UBE2V1: variants seen among roughly 807,000 people sequenced by gnomAD.
The protein encoded by UBE2V1 is ubiquitin-conjugating enzyme E2 variant 1.
A neutral mutation model predicts 19.6 loss-of-function variants in UBE2V1; 15 were observed. The ratio of observed to expected loss-of-function variants is 0.77; its 90% confidence interval spans 0.51 to 1.18. The LOEUF (loss-of-function observed/expected upper bound fraction) is 1.18, where lower values mean the gene tolerates loss of function less well. UBE2V1 is among the 50% of genes most tolerant of loss of function. The pLI is 0.00. For synonymous variants in UBE2V1, 60 were observed against 60.7 expected (o/e 0.99, Z 0.05); for missense variants, 125 against 184.8 (o/e 0.68, Z 1.88).
intron 2 of UBE2V1, among the ~76,000 whole-genome samples, chr20:50,093,807 T>C (rs1601023201): frequency 6.6e-6 from 1 of 151,398 alleles, no homozygotes; most frequent in African/African-American, 2.4e-5. Context: ...CTGGCTAAGA[T>C]GGTGAAACCC....
At chr20:50,105,092 C>G (rs1162349219) in intron 1 of UBE2V1, among the ~76,000 whole-genome samples, 1 of 152,120 alleles carries the variant, frequency 6.6e-6, no homozygotes, top group Non-Finnish European at 1.5e-5. Context: ...TAAGGGAAAA[C>G]TGGTTTCTCA....
At chr20:50,084,973 C>G (rs1274470914) in intron 2 of UBE2V1, among the ~76,000 whole-genome samples, 2 of 150,084 alleles carry the variant, frequency 1.3e-5, no homozygotes, top group Non-Finnish European at 3.0e-5. Flanking sequence ...CTCGGCTCAC[C>G]GCAACCTCCG....
In UBE2V1 at chr20:50,081,972, C is replaced by G. The variant is rs1204375556; in HGVS notation, c.*796G>C. ...AAGGGAGGTCAGAGGCTCTTTCCAA[C>G]CTTACCTGATGGCTTCTGGCCAAAG... On this transcript the variant is annotated 3_prime_UTR_variant, in exon 4 of 4. Transcript: ENST00000371674. 1.8e-5 allele frequency: 4 copies of G among 218,890 alleles called. No homozygotes were observed. Among genetic ancestry groups the G allele is most frequent in the Admixed American group, 1.2e-4 (2 of 17,344 alleles). 13.6% of individuals were successfully genotyped at this position (218,890 alleles called of 1,614,324 possible).
In UBE2V1 at chr20:50,081,338, T is replaced by C. The variant is rs1339472928; in HGVS notation, c.*1430A>G. The C allele has an allele frequency of 1.4e-5, 2 of 142,540 alleles. No individual in the cohort carries two copies. The highest frequency in any genetic ancestry group is 3.1e-5 in the Non-Finnish European group (2 of 65,518). 8.8% of individuals were successfully genotyped at this position (142,540 alleles called of 1,614,324 possible). A position where few individuals can be genotyped will look rare whatever the true frequency, so the allele number is the denominator to read the frequency against. Reference sequence around the variant, plus strand: ...GCTTCAAAAGGTGGTTTTACACAAATACTAAATTAAAAAAAAAAAAAAAAC... The same window carrying C: ...GCTTCAAAAGGTGGTTTTACACAAACACTAAATTAAAAAAAAAAAAAAAAC... On this transcript the variant is annotated 3_prime_UTR_variant, in exon 4 of 4. Coordinates refer to ENST00000371674, the MANE Select transcript of UBE2V1 (RefSeq NM_001032288.3).
At position 50,081,316 on chromosome 20, in the gene UBE2V1, TC is replaced by T. The variant is rs1454988695; in HGVS notation, c.*1451del. 1.3e-5 allele frequency: 2 copies of T among 150,926 alleles called. No homozygotes were observed. Among genetic ancestry groups the T allele is most frequent in the Admixed American group, 6.6e-5 (1 of 15,072 alleles). The allele number at this position is 150,926 out of a possible 1,614,324, so 9.3% of individuals were successfully genotyped here. A position where few individuals can be genotyped will look rare whatever the true frequency, so the allele number is the denominator to read the frequency against. On this transcript the variant is annotated 3_prime_UTR_variant, in exon 4 of 4. Transcript: ENST00000371674. Reference sequence around the variant, plus strand: ...CTTTTCAGACTTGATAGTTGCTGCTTCAAAAGGTGGTTTTACACAAATACTA... The same window carrying T: ...CTTTTCAGACTTGATAGTTGCTGCTTAAAAGGTGGTTTTACACAAATACTA...
At chr20:50,092,199 A>G (rs1413197673) in intron 2 of UBE2V1, among the ~76,000 whole-genome samples, 1 of 152,090 alleles carries the variant, frequency 6.6e-6, no homozygotes, top group Non-Finnish European at 1.5e-5. Flanking sequence ...GTATGTGCCT[A>G]TAACCCCAGC....
chr20:50,100,001 GA>G (rs2147115292), intron 1 of UBE2V1, among the ~76,000 whole-genome samples: 1 of 150,516 alleles, frequency 6.6e-6, no homozygotes, highest in South Asian at 2.1e-4. Flanking sequence ...AGGAGGCTGA[GA>G]GGGGAGGGTC....
intron 2 of UBE2V1, among the ~76,000 whole-genome samples, chr20:50,092,946 A>C (rs1330387352): frequency 1.3e-5 from 2 of 152,180 alleles, no homozygotes; most frequent in African/African-American, 4.8e-5. Context: ...TTCTAAGCAC[A>C]CAGAAGCAGT....
intron 1 of UBE2V1, among the ~76,000 whole-genome samples, chr20:50,097,445 T>A (rs1434179558): frequency 6.6e-6 from 1 of 152,212 alleles, no homozygotes; most frequent in Non-Finnish European, 1.5e-5. Flanking sequence ...GCCTGGCAAG[T>A]AGCTCTTGAA....
At chr20:50,083,538 G>A (rs973929740) in intron 3 of UBE2V1, among the ~76,000 whole-genome samples, 20 of 152,190 alleles carry the variant, frequency 1.3e-4, no homozygotes, top group African/African-American at 3.9e-4. Context: ...TTGGCGTGAC[G>A]TTAACATGTG....
At chr20:50,096,868 C>A (rs1190847408) in intron 1 of UBE2V1, 48 bp from the exon 2 acceptor site, 23 of 1,610,448 alleles carry the variant, frequency 1.4e-5, no homozygotes, top group Non-Finnish European at 1.9e-5. Context: ...TCCAGGGGAA[C>A]TTGTAAGCCT....
intron 1 of UBE2V1, among the ~76,000 whole-genome samples, chr20:50,102,772 C>T (rs1010707288): frequency 2.0e-5 from 3 of 152,338 alleles, no homozygotes; most frequent in Middle Eastern, 3.4e-3. Flanking sequence ...CACCCGCAAT[C>T]CACCCAAACT....
At position 50,113,125 on chromosome 20, in the gene UBE2V1, C is replaced by T. The variant is rs1019016029; in HGVS notation, c.4G>A (p.Ala2Thr). 3 of 1,372,692 alleles carry T rather than the reference C, an allele frequency of 2.2e-6. No individual in the cohort carries two copies. The highest frequency in any genetic ancestry group is 2.9e-6 in the Non-Finnish European group (3 of 1,047,946). 85.0% of individuals were successfully genotyped at this position (1,372,692 alleles called of 1,614,324 possible). Residue 2 changes from alanine (A) to threonine (T), a missense_variant, in exon 1 of 4, where the codon GCA becomes ACA. Coordinates refer to ENST00000371674, the MANE Select transcript of UBE2V1 (RefSeq NM_001032288.3). ...CGCTCACCCGAGCCCGTGGTGGCTG[C>T]CATCTTGCGTCGCTCTTGCTTGAAG... is the stretch of plus-strand genomic sequence containing the variant. M[A>T]ATTGSGVKVP... is the part of the protein sequence containing the mutation.
chr20:50,094,030 AT>A (rs1340879872), intron 2 of UBE2V1, among the ~76,000 whole-genome samples: 12,423 of 117,008 alleles, frequency 0.11, 811 homozygotes, highest in South Asian at 0.17. Flanking sequence ...AATAATAATA[AT>A]AAAATATATA....
chr20:50,084,815 T>A, intron 2 of UBE2V1: 2 of 139,978 alleles, frequency 1.4e-5, no homozygotes. Flanking sequence ...CCCTGCAGTC[T>A]TTTTTTTTTT....
At chr20:50,099,758 C>G (rs149769413) in intron 1 of UBE2V1, among the ~76,000 whole-genome samples, 2 of 152,160 alleles carry the variant, frequency 1.3e-5, no homozygotes, top group Non-Finnish European at 2.9e-5. Flanking sequence ...TCTCACTTAA[C>G]GGCATTCCTT....
At chr20:50,099,687 G>C (rs2079861144) in intron 1 of UBE2V1, among the ~76,000 whole-genome samples, 1 of 152,190 alleles carries the variant, frequency 6.6e-6, no homozygotes. Flanking sequence ...AGCTTCTTTA[G>C]GGCTTTGGTT....
At chr20:50,092,895 C>T (rs1446633402) in intron 2 of UBE2V1, among the ~76,000 whole-genome samples, 1 of 152,206 alleles carries the variant, frequency 6.6e-6, no homozygotes, top group African/African-American at 2.4e-5. Flanking sequence ...CTGAAGAAGA[C>T]AACCACTGTC....
chr20:50,115,496 A>G (rs1569034512), upstream of UBE2V1: 4 of 1,580,828 alleles, frequency 2.5e-6, no homozygotes, highest in South Asian at 4.5e-5. Context: ...TTTGCAGTGA[A>G]ATTTTCTAGG....
Sources: allele counts gnomAD v4.1 joint callset (sites outside exome capture counted in the v4.1 genomes callset), GRCh38; gene constraint gnomAD v4.1.1; transcripts MANE v1.5; gene names NCBI Gene and HGNC (gene_info 2026-07-23, HGNC 2026-07-21).